Variants in EDC3 observed in about 807,000 individuals in gnomAD.
EDC3 encodes enhancer of mRNA decapping 3, also known as enhancer of mRNA-decapping protein 3.
A neutral mutation model predicts 41.8 loss-of-function variants in EDC3; 20 were observed. The observed-to-expected ratio is 0.48, with a 90% CI of 0.34 to 0.70. The LOEUF (loss-of-function observed/expected upper bound fraction) is 0.70, where lower values mean the gene tolerates loss of function less well. Among genes scored for constraint, EDC3 ranks in the 30% least tolerant of loss-of-function variants. EDC3 has a pLI of 0.01. For synonymous variants in EDC3, 206 were observed against 243.2 expected, an observed-to-expected ratio of 0.85 and a Z score of 1.42; for missense variants, 444 against 636.8, an observed-to-expected ratio of 0.70 and a Z score of 3.26.
Position 74,671,687 on chromosome 15 carries a change from T to G in EDC3, c.252A>C (p.Leu84Phe). The G allele has an allele frequency of 6.2e-7, 1 of 1,614,190 alleles. No individual in the cohort carries two copies. Among genetic ancestry groups the G allele is most frequent in the Non-Finnish European group, 8.5e-7 (1 of 1,180,040 alleles). Residue 84 changes from leucine to phenylalanine, a missense_variant, in exon 3 of 7, where the codon TTA becomes TTC. Leu to Phe is a conservative substitution (Grantham distance 22). Transcript: ENST00000315127. The surrounding 1 kb of genome is among the most constrained non-coding windows in gnomAD (Gnocchi z 4.6). ...QHFGDLHQTE[L>F]GPSGAGCQVG... ...CTTGGCAGCCAGCACCAGAGGGGCC[T>G]AATTCTGTTTGATGAAGGTCTCCAA...
intron 4 of EDC3, chr15:74,642,322 T>G (rs2062362960): frequency 6.6e-6 from 1 of 152,178 alleles, no homozygotes; most frequent in Non-Finnish European, 1.5e-5. Flanking sequence ...AACAGTGCCA[T>G]TAGGAGCACT....
At position 74,632,290 on chromosome 15, in the gene EDC3, A is replaced by C. The variant is rs990497833; in HGVS notation, c.*322T>G. On this transcript the variant is annotated 3_prime_UTR_variant, in exon 7 of 7. Coordinates refer to ENST00000315127, the MANE Select transcript of EDC3 (RefSeq NM_025083.5). The surrounding 1 kb of genome is among the most constrained non-coding windows in gnomAD (Gnocchi z 4.0). ...CTCTTCAATGTGTGTGCCCAGGCCCAGTGGCTGTAAACCTGAAACACAGTC... is the reference window on the plus strand; with the variant it reads ...CTCTTCAATGTGTGTGCCCAGGCCCCGTGGCTGTAAACCTGAAACACAGTC... 1 of 368,970 alleles carries C rather than the reference A, an allele frequency of 2.7e-6. No individual in the cohort carries two copies. The highest frequency in any genetic ancestry group is 4.1e-5 in the Admixed American group (1 of 24,600). 22.9% of individuals were successfully genotyped at this position (368,970 alleles called of 1,614,324 possible). A position where few individuals can be genotyped will look rare whatever the true frequency, so the allele number is the denominator to read the frequency against.
intron 1 of EDC3, among the ~76,000 whole-genome samples, chr15:74,693,978 C>G (rs958404476): frequency 6.6e-5 from 10 of 151,136 alleles, no homozygotes; most frequent in African/African-American, 2.4e-4. Context: ...TGGAGTGAGA[C>G]TCCATCTCAA....
intron 6 of EDC3, among the ~76,000 whole-genome samples, chr15:74,634,083 G>C (rs2062243236): frequency 6.6e-6 from 1 of 152,090 alleles, no homozygotes; most frequent in Non-Finnish European, 1.5e-5. Flanking sequence ...TCTCCCTGCT[G>C]TTCTCATTTA....
At chr15:74,672,225 C>T (rs1006172474) in intron 2 of EDC3, among the ~76,000 whole-genome samples, 4 of 149,470 alleles carry the variant, frequency 2.7e-5, no homozygotes, top group East Asian at 2.0e-4. Context: ...GCCGAGATCC[C>T]GCCACTGCAC....
intron 1 of EDC3, among the ~76,000 whole-genome samples, chr15:74,684,992 C>T (rs905191597): frequency 7.2e-5 from 11 of 152,184 alleles, no homozygotes; most frequent in Non-Finnish European, 8.8e-5. Context: ...TCAAAAAAGC[C>T]TTCCCTGTCT....
In EDC3 at chr15:74,671,583, T is replaced by C. The variant is rs753948126; in HGVS notation, c.356A>G (p.Lys119Arg). The change falls in exon 3 of 7, where the codon AAG becomes AGG. Residue 119 changes from lysine (K) to arginine (R), a missense_variant. Lys to Arg is a conservative substitution (Grantham distance 26). Around this residue, in one of 3 missense-constraint regions of EDC3, gnomAD observed 200 missense variants for 244.0 expected, o/e 0.82. Transcript: ENST00000315127. This position sits in a 1 kb window ranked among gnomAD's most constrained non-coding sequence, Gnocchi z 4.6. ...SSSSAPQNIP[K>R]RTDVKSQDVA... Reference sequence around the variant, plus strand: ...ATCCTGGCTCTTCACATCTGTCCTCTTAGGGATATTCTGAGGGGCACTGCT... The same window carrying C: ...ATCCTGGCTCTTCACATCTGTCCTCCTAGGGATATTCTGAGGGGCACTGCT... 6.2e-7 allele frequency: 1 copy of C among 1,614,174 alleles called. No individual in the cohort carries two copies. Among genetic ancestry groups the C allele is most frequent in the Non-Finnish European group, 8.5e-7 (1 of 1,180,028 alleles).
chr15:74,663,337 A>C (rs1189169532), intron 3 of EDC3, among the ~76,000 whole-genome samples: 1 of 152,152 alleles, frequency 6.6e-6, no homozygotes, highest in Non-Finnish European at 1.5e-5. Flanking sequence ...AAAGAAAAAG[A>C]AAAGCATAAG....
At chr15:74,674,000 A>G (rs536229128) in intron 2 of EDC3, among the ~76,000 whole-genome samples, 1 of 152,346 alleles carries the variant, frequency 6.6e-6, no homozygotes, top group East Asian at 1.9e-4. Flanking sequence ...CAACAAAAAA[A>G]GTAAAGGAAT....
In EDC3 at chr15:74,675,892, A is replaced by G. The variant is rs1049893888; in HGVS notation, c.-18-750T>C. Among the ~76,000 whole-genome samples, 137 of 152,114 alleles carry G rather than the reference A, an allele frequency of 9.0e-4. 1 individual carries two copies. The highest frequency in any genetic ancestry group is 3.2e-3 in the African/African-American group (133 of 41,538). ...AGAGACTCTGCCTCAAAAAAAAAAA[A>G]AAGAAATTTTTTTAAAGCCAATTGA... is the stretch of plus-strand genomic sequence containing the variant. On this transcript the variant is annotated intron_variant, in intron 1 of 6. Coordinates refer to ENST00000315127, the MANE Select transcript of EDC3 (RefSeq NM_025083.5).
intron 3 of EDC3, among the ~76,000 whole-genome samples, chr15:74,669,535 A>C (rs1596322133): frequency 6.6e-6 from 1 of 151,488 alleles, no homozygotes. Context: ...AATTAGTTTT[A>C]ATTTAGTTGT....
chr15:74,658,735 T>TC (rs2079387579), intron 3 of EDC3, among the ~76,000 whole-genome samples: 2 of 146,662 alleles, frequency 1.4e-5, no homozygotes, highest in African/African-American at 5.1e-5. Flanking sequence ...GGTCAGGAGA[T>TC]CGAGACCATC....
At chr15:74,668,341 T>C in intron 3 of EDC3, among the ~76,000 whole-genome samples, 1 of 152,140 alleles carries the variant, frequency 6.6e-6, no homozygotes, top group Non-Finnish European at 1.5e-5. Flanking sequence ...TGCATCAACA[T>C]TGGTTCAATA....
At chr15:74,683,546 T>G (rs1026056382) in intron 1 of EDC3, among the ~76,000 whole-genome samples, 1 of 152,034 alleles carries the variant, frequency 6.6e-6, no homozygotes, top group Non-Finnish European at 1.5e-5. Flanking sequence ...GGGGGACTCT[T>G]GTAGTAATGG....
intron 3 of EDC3, among the ~76,000 whole-genome samples, chr15:74,657,601 G>A (rs919577358): frequency 2.0e-5 from 3 of 152,208 alleles, no homozygotes; most frequent in Non-Finnish European, 4.4e-5. Flanking sequence ...AGTTGTTTAA[G>A]AGAGAAATAC....
At chr15:74,694,492 T>A (rs1024035936) in intron 1 of EDC3, among the ~76,000 whole-genome samples, 1 of 152,138 alleles carries the variant, frequency 6.6e-6, no homozygotes, top group Non-Finnish European at 1.5e-5. Flanking sequence ...TTTTAGTACA[T>A]ACGGGGTTTC....
rs1466334575 is a variant in EDC3, at chr15:74,632,580, G to A, written c.*32C>T. 4 of 1,600,404 alleles carry A rather than the reference G, an allele frequency of 2.5e-6. No homozygotes were observed. Among genetic ancestry groups the A allele is most frequent in the Non-Finnish European group, 8.5e-7 (1 of 1,170,570 alleles). ...GGCGTTTGTTATCAGGAGCAGCAGG[G>A]GACAGCAGAGTCCTGCCTGCGCAGG... On this transcript the variant is annotated 3_prime_UTR_variant, in exon 7 of 7. Transcript: ENST00000315127. This position sits in a 1 kb window ranked among gnomAD's most constrained non-coding sequence, Gnocchi z 4.0.
At chr15:74,661,500 A>G (rs2062619740) in intron 3 of EDC3, among the ~76,000 whole-genome samples, 1 of 152,068 alleles carries the variant, frequency 6.6e-6, no homozygotes, top group African/African-American at 2.4e-5. Context: ...ACACACGGCC[A>G]GGGGTGGTGA....
In EDC3 at chr15:74,675,079, C is replaced by T. The variant is rs1226569882; in HGVS notation, c.46G>A (p.Asp16Asn). ...CTTCCCTGATAGACACCCAAGCTATCTCCACAATTGATGGACACAATACTT... is the reference window on the plus strand; with the variant it reads ...CTTCCCTGATAGACACCCAAGCTATTTCCACAATTGATGGACACAATACTT... ...LGSIVSINCGDSLGVYQGRVS... is the reference protein window; with the variant it reads ...LGSIVSINCGNSLGVYQGRVS... Residue 16 changes from aspartate to asparagine, a missense_variant, in exon 2 of 7, where the codon GAT becomes AAT. By Grantham distance (23) the Asp-to-Asn change is conservative. Coordinates refer to ENST00000315127, the MANE Select transcript of EDC3 (RefSeq NM_025083.5). 1 of 1,613,902 alleles carries T rather than the reference C, an allele frequency of 6.2e-7. No individual in the cohort carries two copies. The highest frequency in any genetic ancestry group is 8.5e-7 in the Non-Finnish European group (1 of 1,180,030).
Sources: gnomAD v4.1 joint callset for allele counts (sites outside exome capture counted in the v4.1 genomes callset) on GRCh38, gnomAD v4.1.1 for gene constraint, gnomAD v4.1.1 regional missense constraint, Gnocchi (gnomAD v3.1) non-coding constraint, MANE v1.5 for transcripts, NCBI Gene and HGNC (gene_info 2026-07-23, HGNC 2026-07-21) for gene names.